Variants in ZNF778 observed in about 807,000 individuals in gnomAD.
The protein encoded by ZNF778 is zinc finger protein 778.
A neutral mutation model predicts 23.9 loss-of-function variants in ZNF778; 37 were observed. The ratio of observed to expected loss-of-function variants is 1.54; its 90% CI spans 1.19 to 2.03. The LOEUF (loss-of-function observed/expected upper bound fraction) is 2.03, where lower values mean the gene tolerates loss of function less well. ZNF778 is among the 30% of genes most tolerant of loss of function. The pLI is 0.00. For synonymous variants in ZNF778, 483 were observed against 343.9 expected (o/e 1.40, Z -4.48); for missense variants, 1,297 against 934.4 (o/e 1.39, Z -5.06).
At position 89,230,265 on chromosome 16, in the gene ZNF778, C is replaced by A; in HGVS notation, c.*1703C>A. The A allele has an allele frequency of 5.5e-6, 1 of 180,754 alleles. No individual in the cohort carries two copies. Among genetic ancestry groups the A allele is most frequent in the South Asian group, 1.9e-4 (1 of 5,334 alleles). 11.2% of individuals were successfully genotyped at this position (180,754 alleles called of 1,614,324 possible). A position where few individuals can be genotyped will look rare whatever the true frequency, so the allele number is the denominator to read the frequency against. ...TCTGTACCCTGAGATGCCCCCGTTT[C>A]ATGGCCGTGGAGGGAGAACCACCAC... On this transcript the variant is annotated 3_prime_UTR_variant, in exon 7 of 7. Coordinates refer to ENST00000433976, the MANE Select transcript of ZNF778 (RefSeq NM_001201407.2).
chr16:89,222,118 T>A lies in ZNF778; in HGVS notation c.52T>A (p.Cys18Ser). 1 of 1,603,582 alleles carries A rather than the reference T, an allele frequency of 6.2e-7. No homozygotes were observed. The highest frequency in any genetic ancestry group is 8.5e-7 in the Non-Finnish European group (1 of 1,173,390). The change falls in exon 3 of 7, where the codon TGC (cysteine) becomes AGC (serine). Residue 18 changes from cysteine to serine, a missense_variant. Cys to Ser is a moderately radical substitution (Grantham distance 112). Coordinates refer to ENST00000433976, the MANE Select transcript of ZNF778 (RefSeq NM_001201407.2). ...HGGHVSRDSV[C>S]LHEEQTQAAG... ...AGGTCATGTTTCTAGGGACTCAGTC[T>A]GCCTTCATGAAGAACAGACACAGGC...
Position 89,230,108 on chromosome 16 carries a change from TC to T in ZNF778, c.*1549del. On this transcript the variant is annotated 3_prime_UTR_variant, in exon 7 of 7. Transcript: ENST00000433976. ...TCTTAGGCATGACCCACCTGTAGGG[TC>T]CCACACTGGCCAATGTTGGGGCATA... The T allele has an allele frequency of 1.2e-6, 1 of 869,182 alleles. No individual in the cohort carries two copies. Among genetic ancestry groups the T allele is most frequent in the African/African-American group, 1.8e-5 (1 of 54,648 alleles). 53.8% of individuals were successfully genotyped at this position (869,182 alleles called of 1,614,324 possible).
chr16:89,228,136 T>C lies in ZNF778; in HGVS notation c.1848T>C (p.Pro616=). ...TACGAACTCACACTGGAGAGAAACC[T>C]TATGAATGTAAAGTATGCGGAAAGG... ...EHIRTHTGEK[P]YECKVCGKAF... Residue 616 remains proline (P), a synonymous_variant, in exon 7 of 7, where the codon CCT becomes CCC. Transcript: ENST00000433976. 1 of 1,613,308 alleles carries C rather than the reference T, an allele frequency of 6.2e-7. No homozygotes were observed. The highest frequency in any genetic ancestry group is 2.2e-5 in the East Asian group (1 of 44,812).
chr16:89,233,987 C>G lies in ZNF778; in HGVS notation c.*5425C>G. On this transcript the variant is annotated 3_prime_UTR_variant, in exon 7 of 7. Coordinates refer to ENST00000433976, the MANE Select transcript of ZNF778 (RefSeq NM_001201407.2). ...AGACTAGCCAGCCCCAGACTTCATC[C>G]TGCCCTGTCCTGCCTTTCCTGTGAA... 8.3e-7 allele frequency: 1 copy of G among 1,212,080 alleles called. No individual in the cohort carries two copies. Among genetic ancestry groups the G allele is most frequent in the Non-Finnish European group, 1.1e-6 (1 of 918,310 alleles). 75.1% of individuals were successfully genotyped at this position (1,212,080 alleles called of 1,614,324 possible).
rs558741074 is a variant in ZNF778, at chr16:89,228,017, A to C, written c.1729A>C (p.Asn577His). 6 of 1,589,334 alleles carry C rather than the reference A, an allele frequency of 3.8e-6. No homozygotes were observed. In the South Asian group the frequency reaches 6.8e-5, roughly 18 times the overall value. Reference protein sequence around the residue: ...RKSFRNSSCLNKHIQIHTGIK... With the variant: ...RKSFRNSSCLHKHIQIHTGIK... ...ATCCTTCAGAAATTCCTCGTGCCTG[A>C]ATAAGCACATTCAGATTCACACTGG... is the stretch of plus-strand genomic sequence containing the variant. The change falls in exon 7 of 7, where the codon AAT becomes CAT. Residue 577 changes from asparagine to histidine, a missense_variant. Transcript: ENST00000433976.
chr16:89,223,405 G>A, intron 4 of ZNF778, 122 bp downstream of exon 4: 3 of 1,372,408 alleles, frequency 2.2e-6, no homozygotes, highest in Non-Finnish European at 3.0e-6. Context: ...TAACAACTGT[G>A]CTAGTAGGCT....
chr16:89,221,206 AGT>A (rs2030905409), intron 2 of ZNF778, 54 bp downstream of exon 2: 4 of 38,954 alleles, frequency 1.0e-4, no homozygotes, highest in Non-Finnish European at 2.2e-4. Flanking sequence ...CCTGATACAC[AGT>A]GTGTGTATCA....
Position 89,228,255 on chromosome 16 carries a change from C to T in ZNF778, c.1967C>T (p.Ser656Phe), listed in dbSNP as rs1490610544. The change falls in exon 7 of 7, where the codon TCC (serine) becomes TTC (phenylalanine). Residue 656 changes from serine (S) to phenylalanine (F), a missense_variant. Ser to Phe is a radical substitution (Grantham distance 155). Transcript: ENST00000433976. ...AAGGAGTGTGGGAAAGCCTTTGCTT[C>T]CTCCTCACACCTTATCGAACACAGA... The part of the protein sequence containing the change: ...ICKECGKAFA[S>F]SSHLIEHRRT... The T allele has an allele frequency of 4.4e-6, 7 of 1,603,858 alleles. No homozygotes were observed. Among genetic ancestry groups the T allele is most frequent in the Non-Finnish European group, 6.0e-6 (7 of 1,171,756 alleles).
At position 89,230,116 on chromosome 16, in the gene ZNF778, T is replaced by A; in HGVS notation, c.*1554T>A. On this transcript the variant is annotated 3_prime_UTR_variant, in exon 7 of 7. Coordinates refer to ENST00000433976, the MANE Select transcript of ZNF778 (RefSeq NM_001201407.2). Reference sequence around the variant, plus strand: ...ATGACCCACCTGTAGGGTCCCACACTGGCCAATGTTGGGGCATAACACAGC... The same window carrying A: ...ATGACCCACCTGTAGGGTCCCACACAGGCCAATGTTGGGGCATAACACAGC... 1 of 787,744 alleles carries A rather than the reference T, an allele frequency of 1.3e-6. No individual in the cohort carries two copies. Among genetic ancestry groups the A allele is most frequent in the Non-Finnish European group, 1.5e-6 (1 of 650,806 alleles). The allele number at this position is 787,744 out of a possible 1,614,324, so 48.8% of individuals were successfully genotyped here.
Position 89,233,837 on chromosome 16 carries a change from T to C in ZNF778, c.*5275T>C, listed in dbSNP as rs1373767024. On this transcript the variant is annotated 3_prime_UTR_variant, in exon 7 of 7. Coordinates refer to ENST00000433976, the MANE Select transcript of ZNF778 (RefSeq NM_001201407.2). ...GCAACTCAACTGTTGCAAGTACTTATTTCCGGCCACTTCCTTTTTCTAACT... is the reference window on the plus strand; with the variant it reads ...GCAACTCAACTGTTGCAAGTACTTACTTCCGGCCACTTCCTTTTTCTAACT... The C allele has an allele frequency of 1.6e-6, 2 of 1,290,076 alleles. No individual in the cohort carries two copies. Among genetic ancestry groups the C allele is most frequent in the Non-Finnish European group, 2.0e-6 (2 of 989,702 alleles). The allele number at this position is 1,290,076 out of a possible 1,614,324, so 79.9% of individuals were successfully genotyped here. A position where few individuals can be genotyped will look rare whatever the true frequency, so the allele number is the denominator to read the frequency against.
In ZNF778 at chr16:89,230,113, C is replaced by A; in HGVS notation, c.*1551C>A. The A allele has an allele frequency of 1.2e-6, 1 of 831,042 alleles. No individual in the cohort carries two copies. The highest frequency in any genetic ancestry group is 1.4e-6 in the Non-Finnish European group (1 of 690,090). 51.5% of individuals were successfully genotyped at this position (831,042 alleles called of 1,614,324 possible). A position where few individuals can be genotyped will look rare whatever the true frequency, so the allele number is the denominator to read the frequency against. On this transcript the variant is annotated 3_prime_UTR_variant, in exon 7 of 7. Coordinates refer to ENST00000433976, the MANE Select transcript of ZNF778 (RefSeq NM_001201407.2). ...GGCATGACCCACCTGTAGGGTCCCACACTGGCCAATGTTGGGGCATAACAC... is the reference window on the plus strand; with the variant it reads ...GGCATGACCCACCTGTAGGGTCCCAAACTGGCCAATGTTGGGGCATAACAC...
Position 89,228,466 on chromosome 16 carries a change from G to C in ZNF778, c.2178G>C (p.Glu726Asp). 2 of 1,613,772 alleles carry C rather than the reference G, an allele frequency of 1.2e-6. No homozygotes were observed. The highest frequency in any genetic ancestry group is 1.7e-6 in the Non-Finnish European group (2 of 1,179,832). The change falls in exon 7 of 7, where the codon GAG (glutamate) becomes GAC (aspartate). Residue 726 changes from glutamate (E) to aspartate (D), a missense_variant. Physicochemically the swap from Glu to Asp is conservative, Grantham distance 45. Transcript: ENST00000433976. The stretch of plus-strand genomic sequence containing the variant: ...AACATTTAAAAACTTACACTGAAGA[G>C]CAGGTTTTTGTATGTAAGGACTGTG... ...LKEHLKTYTE[E>D]QVFVCKDCGK...
chr16:89,226,740 G>C lies in ZNF778; in HGVS notation c.452G>C (p.Gly151Ala). Residue 151 changes from glycine (G) to alanine (A), a missense_variant, in exon 7 of 7, where the codon GGA becomes GCA. Gly to Ala is a moderately conservative substitution (Grantham distance 60). Coordinates refer to ENST00000433976, the MANE Select transcript of ZNF778 (RefSeq NM_001201407.2). ...CAGCTCTGTGACCGCACGCAGTGTG[G>C]AGAAGCTTTCAGTGAACACTCAGGC... The part of the protein sequence containing the change: ...GGQLCDRTQC[G>A]EAFSEHSGLS... 1 of 1,613,944 alleles carries C rather than the reference G, an allele frequency of 6.2e-7. No individual in the cohort carries two copies. The highest frequency in any genetic ancestry group is 1.3e-5 in the African/African-American group (1 of 75,046).
Position 89,226,883 on chromosome 16 carries a change from G to C in ZNF778, c.595G>C (p.Val199Leu), listed in dbSNP as rs117690401. 1 of 1,614,000 alleles carries C rather than the reference G, an allele frequency of 6.2e-7. No homozygotes were observed. Residue 199 changes from valine (V) to leucine (L), a missense_variant, in exon 7 of 7, where the codon GTG becomes CTG. Physicochemically the swap from Val to Leu is conservative, Grantham distance 32. Transcript: ENST00000433976. ...GTTCAAAATTGGAGAGCAGTTTTCC[G>C]TGTTGGGTCAGTGTGGAAAAGCCTT... ...TLFKIGEQFS[V>L]LGQCGKAFSS...
At position 89,232,808 on chromosome 16, in the gene ZNF778, A is replaced by G. The variant is rs1309514193; in HGVS notation, c.*4246A>G. 1.6e-6 allele frequency: 2 copies of G among 1,289,284 alleles called. No individual in the cohort carries two copies. Among genetic ancestry groups the G allele is most frequent in the East Asian group, 5.5e-5 (1 of 18,068 alleles). The allele number at this position is 1,289,284 out of a possible 1,614,324, so 79.9% of individuals were successfully genotyped here. On this transcript the variant is annotated 3_prime_UTR_variant, in exon 7 of 7. Coordinates refer to ENST00000433976, the MANE Select transcript of ZNF778 (RefSeq NM_001201407.2). ...GCATATGCACATCAACTCACTGCATATGCAACTCAACTCACACCGTATATG... is the reference window on the plus strand; with the variant it reads ...GCATATGCACATCAACTCACTGCATGTGCAACTCAACTCACACCGTATATG...
rs565772540 is a variant in ZNF778 at position 89,223,178 on chromosome 16, G to A, written c.139G>A (p.Val47Met). The A allele has an allele frequency of 3.7e-5, 60 of 1,613,868 alleles. No homozygotes were observed. The highest frequency in any genetic ancestry group is 1.7e-4 in the Middle Eastern group (1 of 6,056). The stretch of plus-strand genomic sequence containing the variant: ...TTAGGACGCGGTGACCTTTGACGAC[G>A]TGGCTGTGGACTTCACCCAGGAGGA... Reference protein sequence around the residue: ...CYQDAVTFDDVAVDFTQEEWT... With the variant: ...CYQDAVTFDDMAVDFTQEEWT... Residue 47 changes from valine to methionine, a missense_variant, in exon 4 of 7, where the codon GTG (valine) becomes ATG (methionine). Val to Met is a conservative substitution (Grantham distance 21). Transcript: ENST00000433976.
intron 4 of ZNF778, among the ~76,000 whole-genome samples, chr16:89,223,575 C>T (rs1039443014): frequency 2.6e-5 from 4 of 152,132 alleles, no homozygotes; most frequent in South Asian, 4.1e-4. Context: ...GCCCTCCCGA[C>T]GATGCCAATT....
At position 89,233,637 on chromosome 16, in the gene ZNF778, T is replaced by G; in HGVS notation, c.*5075T>G. ...CAACTCAACTCACACTGTATGCAAC[T>G]CAGCTCGCTCTGCATATGCAATTCA... On this transcript the variant is annotated 3_prime_UTR_variant, in exon 7 of 7. Transcript: ENST00000433976. 8.8e-7 allele frequency: 1 copy of G among 1,141,442 alleles called. No homozygotes were observed. Among genetic ancestry groups the G allele is most frequent in the East Asian group, 6.0e-5 (1 of 16,780 alleles). 70.7% of individuals were successfully genotyped at this position (1,141,442 alleles called of 1,614,324 possible).
intron 3 of ZNF778, 116 bp from the exon 4 acceptor site, chr16:89,223,041 G>C: frequency 7.8e-7 from 1 of 1,275,890 alleles, no homozygotes; most frequent in Admixed American, 2.8e-5. Flanking sequence ...ACTGGGCCAT[G>C]GGGTAGACAG....
Sources: allele counts gnomAD v4.1 joint callset (sites outside exome capture counted in the v4.1 genomes callset), GRCh38; gene constraint gnomAD v4.1.1; transcripts MANE v1.5; gene names NCBI Gene and HGNC (gene_info 2026-07-23, HGNC 2026-07-21).